The following WSCD2 variants were observed in gnomAD, a reference collection of about 807,000 sequenced individuals.
WSCD2 encodes the protein WSC domain sialate O sulfotransferase 2.
A neutral mutation model predicts 55.7 loss-of-function variants in WSCD2; 28 were observed. The ratio of observed to expected loss-of-function variants is 0.50; its 90% CI spans 0.37 to 0.69. The LOEUF (loss-of-function observed/expected upper bound fraction) is 0.69, where lower values mean the gene tolerates loss of function less well. Ranked by LOEUF, WSCD2 falls within the 30% of genes least tolerant of loss-of-function variation. The pLI is 0.00. For synonymous variants in WSCD2, 301 were observed against 301.9 expected (o/e 1.00, Z 0.03); for missense variants, 616 against 762.1 (o/e 0.81, Z 2.26).
chr12:108,205,967 T>C lies in WSCD2; in HGVS notation c.383-322T>C, dbSNP rs137980916. ...GTTAAGCCTTTTAGAGCTGTCTTAA[T>C]GCAAGAAATAGGAAGCTCTGTTTGG... On this transcript the variant is annotated intron_variant, in intron 2 of 8. Coordinates refer to ENST00000547525, the MANE Select transcript of WSCD2 (RefSeq NM_014653.4). Among the ~76,000 whole-genome samples the C allele has an allele frequency of 1.6e-3, 239 of 152,330 alleles. 2 individuals carry two copies. Among genetic ancestry groups the C allele is most frequent in the African/African-American group, 5.0e-3 (207 of 41,564 alleles).
At chr12:108,172,319 CTATT>C (rs1466667434) in intron 1 of WSCD2, among the ~76,000 whole-genome samples, 1 of 152,184 alleles carries the variant, frequency 6.6e-6, no homozygotes, top group Non-Finnish European at 1.5e-5. Context: ...ACTTTTAGCC[CTATT>C]TAAAGATGAA....
At chr12:108,236,582 TTCTC>T (rs10538375) in intron 7 of WSCD2, among the ~76,000 whole-genome samples, 19 of 149,068 alleles carry the variant, frequency 1.3e-4, no homozygotes, top group Admixed American at 5.4e-4. Flanking sequence ...CTCTCTCTCA[TTCTC>T]TCTCTCTCTC....
intron 1 of WSCD2, among the ~76,000 whole-genome samples, chr12:108,171,354 C>T (rs1476143787): frequency 6.6e-6 from 1 of 152,190 alleles, no homozygotes; most frequent in Non-Finnish European, 1.5e-5. Flanking sequence ...GGCTCAGACA[C>T]CCATATTGCT....
intron 7 of WSCD2, chr12:108,233,150 A>C: frequency 5.1e-6 from 2 of 389,836 alleles, no homozygotes; most frequent in Non-Finnish European, 4.7e-6. Flanking sequence ...TACTTATCCT[A>C]TGCCTGGTAC....
intron 8 of WSCD2, among the ~76,000 whole-genome samples, chr12:108,245,571 T>G (rs1034863430): frequency 5.9e-5 from 9 of 152,148 alleles, no homozygotes. Flanking sequence ...CCACTTGAGA[T>G]AGTGAGAGGT....
Position 108,206,338 on chromosome 12 carries a change from A to G in WSCD2, c.432A>G (p.Arg144=). ...YLDDTQSRAL[R]GVSFFDYKKM... is the part of the protein sequence containing the mutation. The stretch of plus-strand genomic sequence containing the variant: ...ATGACACCCAGAGTCGGGCCCTTCG[A>G]GGAGTGTCCTTTTTTGACTACAAAA... Residue 144 remains arginine (R), a synonymous_variant, in exon 3 of 9, where the codon CGA becomes CGG. Transcript: ENST00000547525. The G allele has an allele frequency of 1.2e-6, 2 of 1,614,180 alleles. No individual in the cohort carries two copies. Among genetic ancestry groups the G allele is most frequent in the Non-Finnish European group, 1.7e-6 (2 of 1,180,032 alleles).
At chr12:108,177,554 G>T (rs1308417908) in intron 1 of WSCD2, among the ~76,000 whole-genome samples, 2 of 152,132 alleles carry the variant, frequency 1.3e-5, no homozygotes, top group Non-Finnish European at 2.9e-5. Context: ...CTGTCTCAAG[G>T]GGTTTTTATA....
Position 108,232,785 on chromosome 12 carries a change from C to T in WSCD2, c.1034C>T (p.Ala345Val). 1.2e-6 allele frequency: 2 copies of T among 1,614,010 alleles called. No individual in the cohort carries two copies. The highest frequency in any genetic ancestry group is 1.7e-6 in the Non-Finnish European group (2 of 1,180,010). Reference sequence around the variant, plus strand: ...CCAGGCAAGTCCAAGCAGCTCATTGCTTTGGCCAGCTTCCCAGGTGCTGGC... The same window carrying T: ...CCAGGCAAGTCCAAGCAGCTCATTGTTTTGGCCAGCTTCCCAGGTGCTGGC... ...FLPGKSKQLI[A>V]LASFPGAGNT... is the part of the protein sequence containing the mutation. The change falls in exon 7 of 9, where the codon GCT becomes GTT. Residue 345 changes from alanine to valine, a missense_variant. Ala to Val is a moderately conservative substitution (Grantham distance 64). This residue lies in a region of WSCD2 where 374 missense variants were observed against 467.4 expected (regional missense o/e 0.80). Coordinates refer to ENST00000547525, the MANE Select transcript of WSCD2 (RefSeq NM_014653.4).
chr12:108,244,556 C>T (rs1353595831), intron 8 of WSCD2: 6 of 702,908 alleles, frequency 8.5e-6, no homozygotes, highest in Non-Finnish European at 1.6e-5. Flanking sequence ...TCTTATTTCG[C>T]TCGATTTGCA....
chr12:108,153,375 G>A (rs559808068), intron 1 of WSCD2, among the ~76,000 whole-genome samples: 17 of 152,316 alleles, frequency 1.1e-4, no homozygotes, highest in Non-Finnish European at 2.1e-4. Context: ...AACCTCTGGC[G>A]GAGGGTTTTA....
chr12:108,183,634 T>C (rs1882084551), intron 1 of WSCD2, among the ~76,000 whole-genome samples: 1 of 152,190 alleles, frequency 6.6e-6, no homozygotes, highest in African/African-American at 2.4e-5. Flanking sequence ...CCCTGTGCCT[T>C]CTGAGCGGGC....
intron 4 of WSCD2, among the ~76,000 whole-genome samples, chr12:108,215,625 T>C (rs1351416990): frequency 6.6e-6 from 1 of 152,224 alleles, no homozygotes; most frequent in East Asian, 1.9e-4. Flanking sequence ...TCTCTGATTA[T>C]AGGTAGCTAG....
chr12:108,198,667 T>C (rs1289716053), intron 2 of WSCD2, among the ~76,000 whole-genome samples: 2 of 152,236 alleles, frequency 1.3e-5, no homozygotes, highest in Admixed American at 1.3e-4. Flanking sequence ...TTGAATGAAA[T>C]GATATATGTA....
rs375154761 is a variant in WSCD2, at chr12:108,240,362, A to T, written c.1163A>T (p.Asp388Val). 1.9e-6 allele frequency: 3 copies of T among 1,613,940 alleles called. No individual in the cohort carries two copies. Among genetic ancestry groups the T allele is most frequent in the Non-Finnish European group, 2.5e-6 (3 of 1,180,018 alleles). Residue 388 changes from aspartate (D) to valine (V), a missense_variant, in exon 8 of 9, where the codon GAC becomes GTC. Around this residue, in one of 3 missense-constraint regions of WSCD2, gnomAD observed 234 missense variants for 264.6 expected, o/e 0.88. Transcript: ENST00000547525. ...LYNKGFKGER[D>V]HWRSGRTICI... ...CGGGAAGGGTTTAAAGGTGAGCGGG[A>T]CCACTGGCGCAGCGGACGGACCATC...
intron 2 of WSCD2, among the ~76,000 whole-genome samples, chr12:108,201,357 C>T (rs1030478754): frequency 4.6e-5 from 7 of 152,256 alleles, no homozygotes; most frequent in East Asian, 3.9e-4. Flanking sequence ...TTCATATAGC[C>T]ATCTTGTTAT....
chr12:108,178,333 T>C (rs1565937588), intron 1 of WSCD2, among the ~76,000 whole-genome samples: 3 of 152,160 alleles, frequency 2.0e-5, no homozygotes, highest in South Asian at 2.1e-4. Flanking sequence ...GACCAGCATC[T>C]GAAAAACACC....
chr12:108,169,155 G>A (rs1041676216), intron 1 of WSCD2, among the ~76,000 whole-genome samples: 4 of 152,166 alleles, frequency 2.6e-5, no homozygotes, highest in African/African-American at 9.7e-5. Context: ...GGAATCTAAT[G>A]TCTTCCATCA....
chr12:108,222,413 G>A (rs142129804), intron 4 of WSCD2, among the ~76,000 whole-genome samples: 311 of 152,294 alleles, frequency 2.0e-3, no homozygotes, highest in African/African-American at 7.2e-3. Flanking sequence ...AACCTTGCAG[G>A]ATTTTCAAGA....
chr12:108,246,179 C>T (rs138540647), intron 8 of WSCD2, among the ~76,000 whole-genome samples: 320 of 152,348 alleles, frequency 2.1e-3, no homozygotes, highest in African/African-American at 6.8e-3. Flanking sequence ...CTCTCTGAGC[C>T]TCAGTTTCCT....
Sources: allele counts gnomAD v4.1 joint callset (sites outside exome capture counted in the v4.1 genomes callset), GRCh38; gene constraint gnomAD v4.1.1; regional missense constraint gnomAD v4.1.1; transcripts MANE v1.5; gene names NCBI Gene and HGNC (gene_info 2026-07-23, HGNC 2026-07-21).